The following CADM2 variants were observed in gnomAD, a reference collection of about 807,000 sequenced individuals.
CADM2 encodes immunoglobulin superfamily member 4D.
CADM2 carries 12 observed loss-of-function variants against 49.8 expected under a neutral mutation model. The ratio of observed to expected loss-of-function variants is 0.24; its 90% CI spans 0.15 to 0.39. The LOEUF (loss-of-function observed/expected upper bound fraction) is 0.39, where lower values mean the gene tolerates loss of function less well. CADM2 is among the 10% of genes least tolerant of loss of function. CADM2 has a pLI of 1.00. For missense variants in CADM2, 378 were observed against 492.3 expected (o/e 0.77, Z 2.20); for synonymous variants, 214 against 175.4 (o/e 1.22, Z -1.74).
At chr3:85,219,949 G>A (rs1459923469) in intron 1 of CADM2, among the ~76,000 whole-genome samples, 1 of 152,088 alleles carries the variant, frequency 6.6e-6, no homozygotes, top group East Asian at 1.9e-4. Context: ...GAATAAGTAA[G>A]TATGCATATG....
intron 1 of CADM2, among the ~76,000 whole-genome samples, chr3:85,253,258 G>A (rs961664675): frequency 2.6e-5 from 4 of 152,062 alleles, no homozygotes; most frequent in Admixed American, 6.6e-5. Flanking sequence ...ATATGCAAAT[G>A]TGTGCATACA....
At chr3:85,704,821 C>T (rs1434797982) in intron 1 of CADM2, among the ~76,000 whole-genome samples, 2 of 151,194 alleles carry the variant, frequency 1.3e-5, no homozygotes, top group African/African-American at 4.9e-5. Flanking sequence ...TTGAATAGGG[C>T]AATTATTTAA....
At chr3:85,666,312 T>C (rs1267722523) in intron 1 of CADM2, among the ~76,000 whole-genome samples, 1 of 151,942 alleles carries the variant, frequency 6.6e-6, no homozygotes, top group Non-Finnish European at 1.5e-5. Context: ...TGCGAAATTG[T>C]TGCAGCCTTT....
intron 3 of CADM2, among the ~76,000 whole-genome samples, chr3:85,864,158 T>C (rs553324830): frequency 2.6e-5 from 4 of 152,168 alleles, no homozygotes; most frequent in Admixed American, 6.5e-5. Context: ...TTTATCATGA[T>C]TGTTATTAAT....
intron 1 of CADM2, among the ~76,000 whole-genome samples, chr3:85,320,697 G>A (rs966073199): frequency 2.6e-5 from 4 of 152,056 alleles, no homozygotes; most frequent in African/African-American, 9.7e-5. Context: ...CTTTTCCAAT[G>A]TCAGCAATCC....
In CADM2 at chr3:85,373,432, C is replaced by A. The variant is rs890899326; in HGVS notation, c.62-353090C>A. On this transcript the variant is annotated intron_variant, in intron 1 of 9. Coordinates refer to ENST00000383699, the MANE Select transcript of CADM2 (RefSeq NM_001167675.2). ...CCCTATGACTTTACAGGGTATAGTT[C>A]CCCTCCTGGCTGCTTTCACAGGCTG... Among the ~76,000 whole-genome samples, 93 of 152,198 alleles carry A rather than the reference C, an allele frequency of 6.1e-4. 1 individual carries two copies. The highest frequency in any genetic ancestry group is 6.8e-3 in the Middle Eastern group (2 of 294).
chr3:85,249,626 AT>A (rs2042728603), intron 1 of CADM2, among the ~76,000 whole-genome samples: 2 of 151,978 alleles, frequency 1.3e-5, no homozygotes, highest in African/African-American at 4.8e-5. Context: ...ATTGGGAAAA[AT>A]ATGTGACACA....
chr3:85,930,049 A>G (rs188743942), intron 6 of CADM2, among the ~76,000 whole-genome samples: 15 of 152,188 alleles, frequency 9.9e-5, no homozygotes, highest in Non-Finnish European at 1.5e-4. Context: ...AGTATTACTA[A>G]AATGGCATGT....
chr3:85,233,398 T>C (rs1285797177), intron 1 of CADM2, among the ~76,000 whole-genome samples: 2 of 152,134 alleles, frequency 1.3e-5, no homozygotes, highest in African/African-American at 4.8e-5. Flanking sequence ...CTAATAATAT[T>C]GTACCAACAT....
At chr3:85,461,018 G>T (rs980760160) in intron 1 of CADM2, among the ~76,000 whole-genome samples, 5 of 152,022 alleles carry the variant, frequency 3.3e-5, no homozygotes, top group African/African-American at 1.2e-4. Flanking sequence ...TTCAGTTTTT[G>T]TTCTATTATT....
intron 1 of CADM2, among the ~76,000 whole-genome samples, chr3:85,377,604 A>C (rs1039131431): frequency 2.0e-5 from 3 of 152,110 alleles, no homozygotes; most frequent in Admixed American, 2.0e-4. Context: ...GAAATATAAT[A>C]CAGCTTATGA....
At chr3:85,824,489 A>G (rs1209279210) in intron 3 of CADM2, among the ~76,000 whole-genome samples, 2 of 151,940 alleles carry the variant, frequency 1.3e-5, no homozygotes. Flanking sequence ...AAGAGGTATG[A>G]CTCTTTTGTC....
At chr3:85,089,736 T>C (rs565831981) in intron 1 of CADM2, among the ~76,000 whole-genome samples, 8 of 152,102 alleles carry the variant, frequency 5.3e-5, no homozygotes, top group Admixed American at 1.3e-4. Context: ...AAAACAAGCT[T>C]TGAGTTTGAA....
intron 1 of CADM2, among the ~76,000 whole-genome samples, chr3:85,440,669 A>G (rs534000772): frequency 6.6e-6 from 1 of 152,282 alleles, no homozygotes; most frequent in South Asian, 2.1e-4. Context: ...TGTGACTTTT[A>G]TACAATGACA....
chr3:85,822,993 A>G (rs191032482), intron 3 of CADM2, among the ~76,000 whole-genome samples: 1 of 152,280 alleles, frequency 6.6e-6, no homozygotes, highest in Admixed American at 6.5e-5. Flanking sequence ...TGTTGCATTC[A>G]TTCCTTGCAA....
chr3:85,212,853 T>TCTTTCTTTCTTTCTTC, intron 1 of CADM2, among the ~76,000 whole-genome samples: 1 of 125,612 alleles, frequency 8.0e-6, no homozygotes, highest in East Asian at 2.1e-4. Context: ...TTTCTTTCTT[T>TCTTTCTTTCTTTCTTC]CTTTCTTTCT....
At chr3:86,012,387 G>T (rs1387622862) in intron 8 of CADM2, among the ~76,000 whole-genome samples, 1 of 152,134 alleles carries the variant, frequency 6.6e-6, no homozygotes, top group African/African-American at 2.4e-5. Flanking sequence ...TTGTTGTCAT[G>T]GTCACACACA....
At chr3:85,854,286 C>A (rs1467297625) in intron 3 of CADM2, among the ~76,000 whole-genome samples, 2 of 152,062 alleles carry the variant, frequency 1.3e-5, no homozygotes, top group Non-Finnish European at 2.9e-5. Context: ...TGGGTATATA[C>A]CCAAAGGATT....
intron 8 of CADM2, among the ~76,000 whole-genome samples, chr3:85,985,433 C>T (rs949683232): frequency 3.1e-4 from 47 of 152,056 alleles, no homozygotes; most frequent in African/African-American, 1.1e-3. Context: ...TTTGTGTCCT[C>T]AGGAGGACAT....
Sources: gnomAD v4.1 joint callset for allele counts (sites outside exome capture counted in the v4.1 genomes callset) on GRCh38, gnomAD v4.1.1 for gene constraint, MANE v1.5 for transcripts, NCBI Gene and HGNC (gene_info 2026-07-23, HGNC 2026-07-21) for gene names.